Variants in RRAS2 observed in about 807,000 individuals in gnomAD.
RRAS2 encodes RAS related 2, also known as ras-related protein R-Ras2.
A neutral mutation model predicts 27.6 loss-of-function variants in RRAS2; 7 were observed. The observed-to-expected ratio is 0.25, with a 90% confidence interval of 0.14 to 0.48. The LOEUF is 0.48. Ranked by LOEUF, RRAS2 falls within the 20% of genes least tolerant of loss-of-function variation. The pLI is 0.99. For synonymous variants in RRAS2, 86 were observed against 90.9 expected, an observed-to-expected ratio of 0.95 and a Z score of 0.31; for missense variants, 178 against 256.2, an observed-to-expected ratio of 0.69 and a Z score of 2.08.
chr11:14,295,916 G>A (rs748032985), intron 1 of RRAS2, 61 bp from the exon 2 acceptor site: 2 of 1,487,028 alleles, frequency 1.3e-6, no homozygotes, highest in African/African-American at 1.4e-5. Flanking sequence ...GCTCACACCT[G>A]TAATCCTATG....
intron 1 of RRAS2, among the ~76,000 whole-genome samples, chr11:14,345,276 G>A (rs1382801511): frequency 1.3e-5 from 2 of 151,960 alleles, no homozygotes; most frequent in Non-Finnish European, 1.5e-5. Context: ...GTGAGCCACC[G>A]CACCTGGCCT....
chr11:14,292,186 C>T (rs184461484), intron 4 of RRAS2, among the ~76,000 whole-genome samples: 1 of 152,158 alleles, frequency 6.6e-6, no homozygotes, highest in African/African-American at 2.4e-5. Context: ...AAAAATAACT[C>T]ATATAGACCC....
In RRAS2 at chr11:14,358,906, C is replaced by A; in HGVS notation, c.-36G>T. The A allele has an allele frequency of 2.3e-6, 3 of 1,320,734 alleles. No homozygotes were observed. Among genetic ancestry groups the A allele is most frequent in the Non-Finnish European group, 2.9e-6 (3 of 1,023,826 alleles). The allele number at this position is 1,320,734 out of a possible 1,614,324, so 81.8% of individuals were successfully genotyped here. A position where few individuals can be genotyped will look rare whatever the true frequency, so the allele number is the denominator to read the frequency against. On this transcript the variant is annotated 5_prime_UTR_variant, in exon 1 of 6. Transcript: ENST00000256196. This position sits in a 1 kb window ranked among gnomAD's most constrained non-coding sequence, Gnocchi z 5.1. ...CAGAGCCCAGCCTGACTGCGCCGAGCCGCCGCTGCCGCCCGCCCTAGGCCC... is the reference window on the plus strand; with the variant it reads ...CAGAGCCCAGCCTGACTGCGCCGAGACGCCGCTGCCGCCCGCCCTAGGCCC...
intron 1 of RRAS2, among the ~76,000 whole-genome samples, chr11:14,354,717 C>T (rs1849036222): frequency 7.6e-6 from 1 of 131,064 alleles, no homozygotes; most frequent in African/African-American, 2.9e-5. Flanking sequence ...CACTCTGCTG[C>T]CCAGGCTGGA....
At chr11:14,346,197 G>C (rs1554954041) in intron 1 of RRAS2, among the ~76,000 whole-genome samples, 1 of 152,168 alleles carries the variant, frequency 6.6e-6, no homozygotes, top group Non-Finnish European at 1.5e-5. Flanking sequence ...TCCTAGAATA[G>C]AGAGGATCTT....
chr11:14,295,754 G>T lies in RRAS2; in HGVS notation c.196+14C>A. On this transcript the variant is annotated intron_variant, in intron 2 of 5. Coordinates refer to ENST00000256196, the MANE Select transcript of RRAS2 (RefSeq NM_012250.6). ...TATGATATGCAAATTATCAAACAAAGGAAGTTTACTTACTATCTAGCCGGG... is the reference window on the plus strand; with the variant it reads ...TATGATATGCAAATTATCAAACAAATGAAGTTTACTTACTATCTAGCCGGG... The T allele has an allele frequency of 6.4e-7, 1 of 1,573,272 alleles. No individual in the cohort carries two copies. Among genetic ancestry groups the T allele is most frequent in the Non-Finnish European group, 8.6e-7 (1 of 1,158,418 alleles).
At position 14,279,373 on chromosome 11, in the gene RRAS2, T is replaced by C; in HGVS notation, c.579A>G (p.Glu193=). The change falls in exon 6 of 6, where the codon GAA becomes GAG. Residue 193 remains glutamate, a synonymous_variant. Transcript: ENST00000256196. Reference sequence around the variant, plus strand: ...CACAATGGCAGCCTTTCTTGTCTTTTTCTTTCCGTGTTGGTTCTGGTGAAG... The same window carrying C: ...CACAATGGCAGCCTTTCTTGTCTTTCTCTTTCCGTGTTGGTTCTGGTGAAG... ...CPPSPEPTRK[E]KDKKGCHCVI... 6.2e-7 allele frequency: 1 copy of C among 1,613,390 alleles called. No individual in the cohort carries two copies. The highest frequency in any genetic ancestry group is 8.5e-7 in the Non-Finnish European group (1 of 1,179,412).
At chr11:14,281,746 G>A in intron 4 of RRAS2, 26 bp from the exon 5 acceptor site, 1 of 1,537,768 alleles carries the variant, frequency 6.5e-7, no homozygotes, top group Non-Finnish European at 8.9e-7. Context: ...TTATGTTTAT[G>A]GTACATTATT....
intron 4 of RRAS2, among the ~76,000 whole-genome samples, chr11:14,290,920 A>T (rs138331721): frequency 6.6e-6 from 1 of 152,350 alleles, no homozygotes; most frequent in East Asian, 1.9e-4. Flanking sequence ...ACATTGTAGC[A>T]TGTTGTATGC....
chr11:14,361,150 C>T (rs1035213841), upstream of RRAS2, among the ~76,000 whole-genome samples: 2 of 150,294 alleles, frequency 1.3e-5, no homozygotes, highest in African/African-American at 4.9e-5. Flanking sequence ...ATTAGCTGGG[C>T]GTGGTACACG....
At chr11:14,328,443 A>G (rs1848414292) in intron 1 of RRAS2, among the ~76,000 whole-genome samples, 2 of 152,100 alleles carry the variant, frequency 1.3e-5, no homozygotes, top group South Asian at 4.1e-4. Flanking sequence ...ACGTGTAAAA[A>G]CAATATCAAA....
intron 1 of RRAS2, among the ~76,000 whole-genome samples, chr11:14,315,605 A>G (rs1591466110): frequency 6.6e-6 from 1 of 152,344 alleles, no homozygotes; most frequent in Non-Finnish European, 1.5e-5. Context: ...TAATGTATCC[A>G]CATTGGTTCA....
upstream of RRAS2, among the ~76,000 whole-genome samples, chr11:14,361,219 G>A (rs112389788): frequency 0.022 from 3,415 of 152,232 alleles, 53 homozygotes; most frequent in South Asian, 0.04. Context: ...CGCTGGAAGC[G>A]GAAGTTACAG....
chr11:14,358,353 G>A lies in RRAS2; in HGVS notation c.108+410C>T, dbSNP rs1849126370. 1 of 985,408 alleles carries A rather than the reference G, an allele frequency of 1.0e-6. No individual in the cohort carries two copies. Among genetic ancestry groups the A allele is most frequent in the Non-Finnish European group, 1.2e-6 (1 of 830,020 alleles). 61.0% of individuals were successfully genotyped at this position (985,408 alleles called of 1,614,324 possible). On this transcript the variant is annotated intron_variant, in intron 1 of 5. Transcript: ENST00000256196. The surrounding 1 kb of genome is among the most constrained non-coding windows in gnomAD (Gnocchi z 5.1). ...CACCGCTATCGCCCCGACGGTGAAG[G>A]CGCGGCCGCAGGCGGCTGGAAAAGC...
chr11:14,301,518 C>G (rs1475958990), intron 1 of RRAS2, among the ~76,000 whole-genome samples: 1 of 152,022 alleles, frequency 6.6e-6, no homozygotes, highest in Non-Finnish European at 1.5e-5. Flanking sequence ...CCATTTCTTC[C>G]CCGACCGAAC....
chr11:14,323,078 A>G (rs1298927799), intron 1 of RRAS2, among the ~76,000 whole-genome samples: 1 of 152,228 alleles, frequency 6.6e-6, no homozygotes, highest in East Asian at 1.9e-4. Flanking sequence ...ACTATGAACA[A>G]CTTTATGCAA....
At chr11:14,297,060 C>T (rs1847573943) in intron 1 of RRAS2, among the ~76,000 whole-genome samples, 1 of 152,086 alleles carries the variant, frequency 6.6e-6, no homozygotes, top group East Asian at 1.9e-4. Flanking sequence ...AAAAAGATAA[C>T]AACAATAATC....
At chr11:14,322,442 C>CA (rs1188746302) in intron 1 of RRAS2, among the ~76,000 whole-genome samples, 1,777 of 139,886 alleles carry the variant, frequency 0.013, 39 homozygotes, top group East Asian at 0.052. Flanking sequence ...GACTCTGTCT[C>CA]AAAAAAAAAA....
chr11:14,332,723 T>C (rs1848505816), intron 1 of RRAS2, among the ~76,000 whole-genome samples: 1 of 152,120 alleles, frequency 6.6e-6, no homozygotes, highest in South Asian at 2.1e-4. Context: ...AAATGTCCTA[T>C]ATGTGCTTGT....
Sources: gnomAD v4.1 joint callset for allele counts (sites outside exome capture counted in the v4.1 genomes callset) on GRCh38, gnomAD v4.1.1 for gene constraint, Gnocchi (gnomAD v3.1) non-coding constraint, MANE v1.5 for transcripts, NCBI Gene and HGNC (gene_info 2026-07-23, HGNC 2026-07-21) for gene names.